The following FRMPD1 variants were observed in gnomAD, a reference collection of about 807,000 sequenced individuals.
FRMPD1 encodes FERM and PDZ domain-containing protein 1.
FRMPD1 carries 76 observed loss-of-function variants against 117.8 expected under a neutral mutation model. The observed-to-expected ratio is 0.65, with a 90% CI of 0.54 to 0.78. The LOEUF (loss-of-function observed/expected upper bound fraction) is 0.78, where lower values mean the gene tolerates loss of function less well. FRMPD1 is among the 30% of genes least tolerant of loss of function. The pLI is 0.00. For missense variants in FRMPD1, 1,786 were observed against 1,964.5 expected (o/e 0.91, Z 1.72); for synonymous variants, 783 against 770.4 (o/e 1.02, Z -0.27).
chr9:37,710,281 C>T (rs1461192447), intron 4 of FRMPD1, among the ~76,000 whole-genome samples: 1 of 152,148 alleles, frequency 6.6e-6, no homozygotes, highest in East Asian at 1.9e-4. Context: ...AATAACACAC[C>T]AGCAGCAATT....
intron 10 of FRMPD1, among the ~76,000 whole-genome samples, chr9:37,733,181 T>C (rs904496185): frequency 6.6e-6 from 1 of 152,080 alleles, no homozygotes; most frequent in Non-Finnish European, 1.5e-5. Flanking sequence ...TGCCATGTAT[T>C]TTGTAGTGAA....
chr9:37,663,048 T>C (rs957178097), intron 1 of FRMPD1, among the ~76,000 whole-genome samples: 5 of 152,224 alleles, frequency 3.3e-5, no homozygotes, highest in African/African-American at 1.2e-4. Flanking sequence ...GTATTTAGTC[T>C]GCCCAATTTA....
At chr9:37,676,402 A>G (rs1256698465) in intron 1 of FRMPD1, among the ~76,000 whole-genome samples, 1 of 152,056 alleles carries the variant, frequency 6.6e-6, no homozygotes, top group South Asian at 2.1e-4. Context: ...CAAACTGGAC[A>G]CTTCTCTACT....
At chr9:37,713,600 TAGAG>T (rs1180267224) in intron 5 of FRMPD1, among the ~76,000 whole-genome samples, 4 of 149,698 alleles carry the variant, frequency 2.7e-5, no homozygotes, top group Admixed American at 2.0e-4. Context: ...TATATATATG[TAGAG>T]AGAGAGAGAG....
intron 5 of FRMPD1, among the ~76,000 whole-genome samples, chr9:37,714,169 T>G (rs552093742): frequency 2.6e-5 from 4 of 152,350 alleles, no homozygotes; most frequent in Admixed American, 2.0e-4. Context: ...GAAACCAATA[T>G]GGAAACAGGG....
At chr9:37,670,530 G>T (rs189917161) in intron 1 of FRMPD1, among the ~76,000 whole-genome samples, 222 of 152,314 alleles carry the variant, frequency 1.5e-3, no homozygotes, top group Admixed American at 3.2e-3. Flanking sequence ...AAAGCATGGC[G>T]GGAGGCTCAG....
At chr9:37,629,131 G>A in the FRMPD1 span, among the ~76,000 whole-genome samples, 7 of 152,104 alleles carry the variant, frequency 4.6e-5, no homozygotes, top group East Asian at 1.9e-4. Flanking sequence ...CTCGGGAGGC[G>A]GAGGTTGCAG....
At position 37,730,980 on chromosome 9, in the gene FRMPD1, G is replaced by A. The variant is rs373111677; in HGVS notation, c.739-4G>A. The A allele has an allele frequency of 1.6e-4, 254 of 1,613,532 alleles. 1 individual carries two copies. The highest frequency in any genetic ancestry group is 1.9e-4 in the Non-Finnish European group (229 of 1,179,700). ...ATTAATAGTATCTCCCTTACCCATCGCAGGTGGTAGAAAGGGAGGAGTCAC... is the reference window on the plus strand; with the variant it reads ...ATTAATAGTATCTCCCTTACCCATCACAGGTGGTAGAAAGGGAGGAGTCAC... On this transcript the variant is annotated splice_polypyrimidine_tract_variant and splice_region_variant and intron_variant, in intron 8 of 15. Coordinates refer to ENST00000377765, the MANE Select transcript of FRMPD1 (RefSeq NM_014907.3).
intron 3 of FRMPD1, among the ~76,000 whole-genome samples, chr9:37,708,026 T>C (rs977401988): frequency 2.6e-5 from 4 of 152,324 alleles, no homozygotes; most frequent in African/African-American, 9.6e-5. Context: ...GTTTTCATAA[T>C]TGAGGTGTGT....
chr9:37,603,565 T>C, the FRMPD1 span, among the ~76,000 whole-genome samples: 2 of 151,980 alleles, frequency 1.3e-5, no homozygotes, highest in Non-Finnish European at 2.9e-5. Context: ...GTGGGGGAGG[T>C]GGGTGGCAGA....
rs140040446 is a variant in FRMPD1 at position 37,745,853 on chromosome 9, A to G, written c.3821A>G (p.His1274Arg). 479 of 1,614,072 alleles carry G rather than the reference A, an allele frequency of 3.0e-4. No individual in the cohort carries two copies. The African/African-American group carries it at 5.8e-3, about 20-fold the overall frequency. Residue 1274 changes from histidine (H) to arginine (R), a missense_variant, in exon 16 of 16, where the codon CAT becomes CGT. By Grantham distance (29) the His-to-Arg change is conservative (BLOSUM62 0). Coordinates refer to ENST00000377765, the MANE Select transcript of FRMPD1 (RefSeq NM_014907.3). ...QEDPHLETSN[H>R]CLLSEGKSDS... ...GATCCTCACTTAGAAACTTCAAACC[A>G]TTGCTTACTCTCAGAAGGCAAAAGT...
chr9:37,739,118 G>A (rs1824265639), intron 14 of FRMPD1, among the ~76,000 whole-genome samples: 2 of 152,280 alleles, frequency 1.3e-5, no homozygotes, highest in Non-Finnish European at 2.9e-5. Context: ...AAGGGGAGGT[G>A]TCAAGACCAT....
intron 1 of FRMPD1, among the ~76,000 whole-genome samples, chr9:37,660,089 A>G (rs767070168): frequency 5.3e-5 from 8 of 151,782 alleles, no homozygotes; most frequent in Non-Finnish European, 1.0e-4. Context: ...GTCCGACGGC[A>G]TCCTCCTAGA....
At position 37,736,858 on chromosome 9, in the gene FRMPD1, AGTGT is replaced by A. The variant is rs60521691; in HGVS notation, c.1402-221_1402-218del. Among the ~76,000 whole-genome samples the A allele has an allele frequency of 6.5e-3, 964 of 148,182 alleles. 8 individuals are homozygous for A. The highest frequency in any genetic ancestry group is 0.014 in the Middle Eastern group (4 of 288). On this transcript the variant is annotated intron_variant, in intron 13 of 15. Transcript: ENST00000377765. ...GTGAGTGAGTGTGTGAGTGCGTGAG[AGTGT>A]GTGTGTGTGTGTGTGTATGTGTGCG...
At chr9:37,675,354 G>C (rs559632966) in intron 1 of FRMPD1, among the ~76,000 whole-genome samples, 32 of 152,124 alleles carry the variant, frequency 2.1e-4, no homozygotes, top group Non-Finnish European at 1.3e-4. Flanking sequence ...CTGGGAGATG[G>C]AGGTTGCGGA....
At chr9:37,674,360 C>T (rs113399724) in intron 1 of FRMPD1, among the ~76,000 whole-genome samples, 6,303 of 152,236 alleles carry the variant, frequency 0.041, 224 homozygotes, top group South Asian at 0.12. Flanking sequence ...TCAGCCTGGA[C>T]CTTATTGTTT....
In FRMPD1 at chr9:37,733,804, A is replaced by G. The variant is rs759046042; in HGVS notation, c.1197A>G (p.Arg399=). 2 of 1,572,660 alleles carry G rather than the reference A, an allele frequency of 1.3e-6. No individual in the cohort carries two copies. The highest frequency in any genetic ancestry group is 1.4e-5 in the African/African-American group (1 of 73,908). Residue 399 remains arginine, a synonymous_variant, in exon 12 of 16, where the codon AGA becomes AGG. Coordinates refer to ENST00000377765, the MANE Select transcript of FRMPD1 (RefSeq NM_014907.3). ...ILGELKTYGG[R]IFNATLMLQD... Reference sequence around the variant, plus strand: ...GAGAACTCAAGACATATGGTGGAAGAATCTTTAATGCTACTTTAATGGTAT... The same window carrying G: ...GAGAACTCAAGACATATGGTGGAAGGATCTTTAATGCTACTTTAATGGTAT...
the FRMPD1 span, among the ~76,000 whole-genome samples, chr9:37,615,694 G>T: frequency 6.6e-6 from 1 of 152,042 alleles, no homozygotes; most frequent in South Asian, 2.1e-4. Flanking sequence ...AGCCCCAGAT[G>T]GCTTAGAGCA....
the FRMPD1 span, among the ~76,000 whole-genome samples, chr9:37,603,983 A>G: frequency 1.3e-5 from 2 of 152,214 alleles, no homozygotes; most frequent in East Asian, 1.9e-4. Flanking sequence ...TCATTATTAC[A>G]TAGTTTTGAT....
Sources: gnomAD v4.1 joint callset for allele counts (sites outside exome capture counted in the v4.1 genomes callset) on GRCh38, gnomAD v4.1.1 for gene constraint, MANE v1.5 for transcripts, NCBI Gene and HGNC (gene_info 2026-07-23, HGNC 2026-07-21) for gene names.